SKAP1: variants seen among roughly 807,000 people sequenced by gnomAD.
SKAP1 encodes the protein src kinase-associated phosphoprotein 1.
SKAP1 carries 44 observed loss-of-function variants against 58.5 expected under a neutral mutation model. The observed-to-expected ratio is 0.75, with a 90% confidence interval of 0.59 to 0.97. The LOEUF is 0.97. Among genes scored for constraint, SKAP1 ranks in the 50% least tolerant of loss-of-function variants. The pLI is 0.00. For missense variants in SKAP1, 390 were observed against 435.2 expected (o/e 0.90, Z 0.92); for synonymous variants, 127 against 149.7 (o/e 0.85, Z 1.11).
intron 4 of SKAP1, among the ~76,000 whole-genome samples, chr17:48,213,529 T>C (rs2064900663): frequency 6.6e-6 from 1 of 152,064 alleles, no homozygotes; most frequent in Non-Finnish European, 1.5e-5. Context: ...AGCTTGGAGA[T>C]TGAACTGTGG....
intron 4 of SKAP1, among the ~76,000 whole-genome samples, chr17:48,241,881 T>A (rs2065246997): frequency 6.6e-6 from 1 of 152,240 alleles, no homozygotes; most frequent in Non-Finnish European, 1.5e-5. Context: ...ATTCTCTTAC[T>A]TTCCATTCTT....
intron 4 of SKAP1, among the ~76,000 whole-genome samples, chr17:48,225,179 A>G (rs532649381): frequency 6.6e-6 from 1 of 152,204 alleles, no homozygotes; most frequent in Non-Finnish European, 1.5e-5. Context: ...ACTAAAACTG[A>G]TTTAAATATA....
intron 4 of SKAP1, among the ~76,000 whole-genome samples, chr17:48,255,348 A>G (rs2065411133): frequency 6.6e-6 from 1 of 151,666 alleles, no homozygotes; most frequent in African/African-American, 2.4e-5. Flanking sequence ...ACTTATAGGC[A>G]AGTTCTTTTT....
At chr17:48,252,754 GTATGTGCTCA>G (rs2065379769) in intron 4 of SKAP1, among the ~76,000 whole-genome samples, 2 of 120,878 alleles carry the variant, frequency 1.7e-5, no homozygotes, top group Non-Finnish European at 3.8e-5. Context: ...GTGTGTGTGT[GTATGTGCTCA>G]TGTGTGTACA....
intron 9 of SKAP1, among the ~76,000 whole-genome samples, chr17:48,178,357 C>T (rs1225653887): frequency 6.6e-6 from 1 of 152,066 alleles, no homozygotes; most frequent in Non-Finnish European, 1.5e-5. Flanking sequence ...CAGTTGTAAC[C>T]CAAAGTGGAG....
chr17:48,344,752 A>G (rs2144324706), intron 4 of SKAP1, among the ~76,000 whole-genome samples: 1 of 152,352 alleles, frequency 6.6e-6, no homozygotes, highest in East Asian at 1.9e-4. Flanking sequence ...ATTATACAAA[A>G]TAAAATGTTT....
chr17:48,197,019 G>A (rs2064642673), intron 4 of SKAP1, among the ~76,000 whole-genome samples: 1 of 152,232 alleles, frequency 6.6e-6, no homozygotes, highest in Admixed American at 6.5e-5. Flanking sequence ...AGCACTTTGG[G>A]AGGCCGAGGT....
intron 4 of SKAP1, among the ~76,000 whole-genome samples, chr17:48,259,519 G>A (rs2065463715): frequency 6.6e-6 from 1 of 152,024 alleles, no homozygotes; most frequent in South Asian, 2.1e-4. Flanking sequence ...AATCATGAAT[G>A]CATTATATAA....
chr17:48,407,604 A>G (rs1357656367), intron 1 of SKAP1, among the ~76,000 whole-genome samples: 2 of 152,220 alleles, frequency 1.3e-5, no homozygotes, highest in African/African-American at 4.8e-5. Flanking sequence ...CACGCCTGTA[A>G]TCCCAACACT....
intron 4 of SKAP1, among the ~76,000 whole-genome samples, chr17:48,217,326 A>T (rs555691280): frequency 6.6e-6 from 1 of 152,112 alleles, no homozygotes; most frequent in Non-Finnish European, 1.5e-5. Context: ...AGATGAACAG[A>T]AGAGGGGTTT....
upstream of SKAP1, chr17:48,430,248 C>A: frequency 1.5e-6 from 1 of 662,414 alleles, no homozygotes; most frequent in Non-Finnish European, 2.1e-6. Context: ...CCCAGCCCGG[C>A]CGCGGGGCGG....
intron 3 of SKAP1, among the ~76,000 whole-genome samples, chr17:48,357,819 G>T (rs887764328): frequency 2.0e-5 from 3 of 152,102 alleles, no homozygotes; most frequent in Non-Finnish European, 2.9e-5. Flanking sequence ...AAAACAGTTT[G>T]TGTGTGTGTC....
intron 4 of SKAP1, among the ~76,000 whole-genome samples, chr17:48,261,516 C>CA (rs1429022262): frequency 6.6e-6 from 1 of 152,142 alleles, no homozygotes; most frequent in Non-Finnish European, 1.5e-5. Context: ...AGGATGTACT[C>CA]ACAGACTGTG....
In SKAP1 at chr17:48,403,423, A is replaced by G. The variant is rs180960527; in HGVS notation, c.47-6638T>C. 3.9e-3 allele frequency among the ~76,000 whole-genome samples: 589 copies of G among 151,784 alleles called. 2 individuals carry two copies. The highest frequency in any genetic ancestry group is 0.013 in the African/African-American group (539 of 41,298). On this transcript the variant is annotated intron_variant, in intron 1 of 12. Coordinates refer to ENST00000336915, the MANE Select transcript of SKAP1 (RefSeq NM_003726.4). Reference sequence around the variant, plus strand: ...TTACACTTTGAAAATCATAGTTAAAATATATATACATATATATATATGTAT... The same window carrying G: ...TTACACTTTGAAAATCATAGTTAAAGTATATATACATATATATATATGTAT...
intron 4 of SKAP1, among the ~76,000 whole-genome samples, chr17:48,199,525 T>C (rs931266986): frequency 6.6e-6 from 1 of 152,234 alleles, no homozygotes; most frequent in African/African-American, 2.4e-5. Context: ...CACATCCTCT[T>C]TGAATCTTTG....
intron 3 of SKAP1, among the ~76,000 whole-genome samples, chr17:48,350,636 C>T (rs141641659): frequency 0.022 from 3,376 of 152,210 alleles, 115 homozygotes; most frequent in African/African-American, 0.075. Context: ...GCAGAGGTTG[C>T]GGTGAGCCGA....
intron 4 of SKAP1, among the ~76,000 whole-genome samples, chr17:48,269,180 G>A (rs1337969809): frequency 6.6e-6 from 1 of 151,964 alleles, no homozygotes; most frequent in Non-Finnish European, 1.5e-5. Flanking sequence ...TGAATTAAAG[G>A]TAAATATACG....
chr17:48,180,702 T>C (rs961371711), intron 8 of SKAP1, among the ~76,000 whole-genome samples: 1 of 152,160 alleles, frequency 6.6e-6, no homozygotes, highest in Admixed American at 6.5e-5. Flanking sequence ...GTCAGAAGCT[T>C]ATCTCCCCAG....
chr17:48,386,430 C>T (rs1463640745), intron 2 of SKAP1, among the ~76,000 whole-genome samples: 6 of 150,888 alleles, frequency 4.0e-5, no homozygotes, highest in South Asian at 4.2e-4. Context: ...GTGTGAAAAC[C>T]GTGCTTCTCA....
Sources: allele counts gnomAD v4.1 joint callset (sites outside exome capture counted in the v4.1 genomes callset), GRCh38; gene constraint gnomAD v4.1.1; transcripts MANE v1.5; gene names NCBI Gene and HGNC (gene_info 2026-07-23, HGNC 2026-07-21).